TERB2: variants seen among roughly 807,000 people sequenced by gnomAD.
TERB2 encodes the protein telomere repeats-binding bouquet formation protein 2.
Under a neutral mutation model 29.8 loss-of-function variants are expected in TERB2, and 26 were observed. The ratio of observed to expected loss-of-function variants is 0.87; its 90% CI spans 0.64 to 1.21. TERB2 has a LOEUF of 1.21. Ranked by LOEUF, TERB2 falls within the 50% of genes most tolerant of loss-of-function variation. The pLI is 0.00. For missense variants in TERB2, 240 were observed against 268.6 expected, an observed-to-expected ratio of 0.89 and a Z score of 0.74; for synonymous variants, 80 against 90.8, an observed-to-expected ratio of 0.88 and a Z score of 0.68.
At position 44,978,535 on chromosome 15, in the gene TERB2, T is replaced by A. The variant is rs1456882892; in HGVS notation, c.570T>A (p.His190Gln). The A allele has an allele frequency of 6.2e-7, 1 of 1,610,316 alleles. No individual in the cohort carries two copies. Among genetic ancestry groups the A allele is most frequent in the East Asian group, 2.2e-5 (1 of 44,752 alleles). Residue 190 changes from histidine (H) to glutamine (Q), a missense_variant, in exon 7 of 7, where the codon CAT (histidine) becomes CAA (glutamine). By Grantham distance (24) the His-to-Gln change is conservative. Coordinates refer to ENST00000340827, the MANE Select transcript of TERB2 (RefSeq NM_152448.3). The stretch of plus-strand genomic sequence containing the variant: ...TGAAGAAATTCCTTGGGGAGCTACA[T>A]GACTTCATTCCTGGAACCTCAGGAT... Reference protein sequence around the residue: ...DAMKKFLGELHDFIPGTSGYL... With the variant: ...DAMKKFLGELQDFIPGTSGYL...
In TERB2 at chr15:44,973,909, G is replaced by A. The variant is rs1306710992; in HGVS notation, c.477G>A (p.Gln159=). 1 of 1,601,892 alleles carries A rather than the reference G, an allele frequency of 6.2e-7. No homozygotes were observed. The highest frequency in any genetic ancestry group is 8.5e-7 in the Non-Finnish European group (1 of 1,173,378). ...HFIRTPVVEK[Q]MYFPLQNYPV... ...TAAGAACTCCAGTTGTAGAAAAGCA[G>A]ATGTACTTCCCTCTACAGAATTACC... Residue 159 remains glutamine (Q), a synonymous_variant, in exon 6 of 7, where the codon CAG becomes CAA. Coordinates refer to ENST00000340827, the MANE Select transcript of TERB2 (RefSeq NM_152448.3).
intron 2 of TERB2, among the ~76,000 whole-genome samples, 184 bp downstream of exon 2, chr15:44,957,161 C>T (rs1198839502): frequency 6.6e-6 from 1 of 151,208 alleles, no homozygotes; most frequent in Admixed American, 6.6e-5. Context: ...TTGCAGTGAG[C>T]CAAGATCGCA....
At chr15:44,965,543 TATA>T in intron 4 of TERB2, among the ~76,000 whole-genome samples, 1 of 144,544 alleles carries the variant, frequency 6.9e-6, no homozygotes, top group African/African-American at 2.5e-5. Context: ...TATACATTTA[TATA>T]TTATATATTT....
intron 4 of TERB2, among the ~76,000 whole-genome samples, chr15:44,964,779 G>A (rs913942769): frequency 6.6e-6 from 1 of 152,050 alleles, no homozygotes; most frequent in African/African-American, 2.4e-5. Context: ...ATACGTGGAA[G>A]GTATTCATTG....
chr15:44,973,994 A>G, intron 6 of TERB2, 39 bp downstream of exon 6: 1 of 1,411,304 alleles, frequency 7.1e-7, no homozygotes, highest in Non-Finnish European at 9.5e-7. Flanking sequence ...TCAGGTAGGA[A>G]AGAAACAAGG....
intron 4 of TERB2, among the ~76,000 whole-genome samples, chr15:44,963,757 C>A (rs1891840718): frequency 6.7e-6 from 1 of 149,156 alleles, no homozygotes; most frequent in Non-Finnish European, 1.5e-5. Flanking sequence ...GAAATGTTAA[C>A]ACTTTGTGAA....
At chr15:44,973,148 C>T (rs980080259) in intron 5 of TERB2, among the ~76,000 whole-genome samples, 9 of 152,090 alleles carry the variant, frequency 5.9e-5, no homozygotes, top group African/African-American at 2.2e-4. Context: ...CCCAAAGTGC[C>T]AGATTTACAG....
intron 3 of TERB2, among the ~76,000 whole-genome samples, chr15:44,960,993 T>C (rs553516002): frequency 3.3e-5 from 5 of 151,152 alleles, no homozygotes; most frequent in Non-Finnish European, 7.4e-5. Flanking sequence ...ATACATCTAA[T>C]ATATATCTAA....
intron 3 of TERB2, among the ~76,000 whole-genome samples, chr15:44,961,142 T>C (rs1891795769): frequency 6.7e-6 from 1 of 150,076 alleles, no homozygotes; most frequent in South Asian, 2.1e-4. Flanking sequence ...ATATTTAATA[T>C]ATATGTAGAT....
intron 5 of TERB2, among the ~76,000 whole-genome samples, chr15:44,972,759 G>A (rs1167747691): frequency 2.0e-5 from 3 of 150,812 alleles, no homozygotes; most frequent in African/African-American, 2.4e-5. Flanking sequence ...TAAGTGATCC[G>A]CCCACCTCTG....
chr15:44,961,032 TAG>T lies in TERB2; in HGVS notation c.287-485_287-484del, dbSNP rs531568813. Among the ~76,000 whole-genome samples, 74 of 151,608 alleles carry T rather than the reference TAG, an allele frequency of 4.9e-4. 3 individuals carry two copies. The South Asian group carries it at 0.015, about 31-fold the overall frequency. Reference sequence around the variant, plus strand: ...ATTATATAGATACATATGCATTATATAGAGAGATATATATCTATAAATGCAGA... The same window carrying T: ...ATTATATAGATACATATGCATTATATAGAGATATATATCTATAAATGCAGA... On this transcript the variant is annotated intron_variant, in intron 3 of 6. Transcript: ENST00000340827.
chr15:44,965,162 CAAAAAAAAAAA>C (rs66756472), intron 4 of TERB2, among the ~76,000 whole-genome samples: 4 of 48,814 alleles, frequency 8.2e-5, no homozygotes, highest in East Asian at 1.6e-3. Flanking sequence ...GACTCTGTCT[CAAAAAAAAAAA>C]AAAAAAAAAA....
chr15:44,958,584 T>A (rs1566944167), intron 3 of TERB2, 72 bp downstream of exon 3: 63 of 1,406,992 alleles, frequency 4.5e-5, no homozygotes, highest in Non-Finnish European at 5.9e-5. Context: ...ACAGCCAAAT[T>A]CAACTGTACT....
chr15:44,958,021 T>C (rs1486024199), intron 2 of TERB2, among the ~76,000 whole-genome samples: 1 of 152,202 alleles, frequency 6.6e-6, no homozygotes, highest in Non-Finnish European at 1.5e-5. Context: ...GCATGCACAC[T>C]CCTCACCTCA....
At chr15:44,969,062 G>A (rs1891930436) in intron 5 of TERB2, among the ~76,000 whole-genome samples, 1 of 152,028 alleles carries the variant, frequency 6.6e-6, no homozygotes, top group Admixed American at 6.5e-5. Flanking sequence ...CTCCTGAGTA[G>A]CTAGGACCGC....
chr15:44,973,889 A>G lies in TERB2; in HGVS notation c.457A>G (p.Thr153Ala). 1 of 1,597,736 alleles carries G rather than the reference A, an allele frequency of 6.3e-7. No homozygotes were observed. The highest frequency in any genetic ancestry group is 1.1e-5 in the South Asian group (1 of 88,828). Reference protein sequence around the residue: ...SKSPEKHFIRTPVVEKQMYFP... With the variant: ...SKSPEKHFIRAPVVEKQMYFP... ...CAGCCCAGAAAAGCATTTTATAAGA[A>G]CTCCAGTTGTAGAAAAGCAGATGTA... The change falls in exon 6 of 7, where the codon ACT becomes GCT. Residue 153 changes from threonine to alanine, a missense_variant. Transcript: ENST00000340827.
intron 4 of TERB2, among the ~76,000 whole-genome samples, chr15:44,962,268 G>A (rs1459630499): frequency 1.3e-5 from 2 of 148,662 alleles, no homozygotes; most frequent in African/African-American, 2.5e-5. Context: ...TGCAAGCTCC[G>A]CCTCCCGGGT....
At chr15:44,959,761 T>G (rs1338034135) in intron 3 of TERB2, among the ~76,000 whole-genome samples, 1 of 152,212 alleles carries the variant, frequency 6.6e-6, no homozygotes, top group African/African-American at 2.4e-5. Flanking sequence ...GATATGTAGC[T>G]TGTCTACATA....
At chr15:44,978,303 G>A (rs966555889) in intron 6 of TERB2, among the ~76,000 whole-genome samples, 186 bp from the exon 7 acceptor site, 13 of 152,330 alleles carry the variant, frequency 8.5e-5, no homozygotes, top group African/African-American at 2.9e-4. Context: ...GGGAGGGGAA[G>A]AGGAGGTGTT....
Sources: allele counts gnomAD v4.1 joint callset (sites outside exome capture counted in the v4.1 genomes callset), GRCh38; gene constraint gnomAD v4.1.1; transcripts MANE v1.5; gene names NCBI Gene and HGNC (gene_info 2026-07-23, HGNC 2026-07-21).